The following LINGO2 variants were observed in gnomAD, a reference collection of about 807,000 sequenced individuals.
The protein encoded by LINGO2 is leucine rich repeat and Ig domain containing 2, also known as leucine-rich repeat and immunoglobulin-like domain-containing nogo receptor-interacting protein 2.
A neutral mutation model predicts 30.6 loss-of-function variants in LINGO2; 14 were observed. The ratio of observed to expected loss-of-function variants is 0.46; its 90% CI spans 0.30 to 0.72. The LOEUF (loss-of-function observed/expected upper bound fraction) is 0.72, where lower values mean the gene tolerates loss of function less well. Ranked by LOEUF, LINGO2 falls within the 30% of genes least tolerant of loss-of-function variation. The pLI is 0.07. For missense variants in LINGO2, 729 were observed against 751.7 expected, an observed-to-expected ratio of 0.97 and a Z score of 0.35; for synonymous variants, 317 against 288.5, an observed-to-expected ratio of 1.10 and a Z score of -1.00.
At chr9:29,176,793 G>C in the LINGO2 span, among the ~76,000 whole-genome samples, 1 of 152,196 alleles carries the variant, frequency 6.6e-6, no homozygotes, top group Non-Finnish European at 1.5e-5. Flanking sequence ...AAGCTTCAAT[G>C]CAACTTTTTA....
At chr9:28,913,848 A>G in the LINGO2 span, among the ~76,000 whole-genome samples, 4 of 152,198 alleles carry the variant, frequency 2.6e-5, no homozygotes, top group South Asian at 8.3e-4. Flanking sequence ...GTAATACGTT[A>G]TAGTGAGTAC....
At chr9:28,118,607 A>G (rs757167634) in intron 4 of LINGO2, among the ~76,000 whole-genome samples, 45 of 152,338 alleles carry the variant, frequency 3.0e-4, no homozygotes, top group Non-Finnish European at 5.3e-4. Context: ...TTGGGAGAGT[A>G]GTAACTAATA....
chr9:28,377,102 T>C (rs563354959), intron 2 of LINGO2, among the ~76,000 whole-genome samples: 1 of 151,812 alleles, frequency 6.6e-6, no homozygotes, highest in South Asian at 2.1e-4. Context: ...AAAATACAGT[T>C]GACCCATGAA....
the LINGO2 span, among the ~76,000 whole-genome samples, chr9:28,771,571 G>A: frequency 2.2e-4 from 33 of 151,532 alleles, no homozygotes; most frequent in Non-Finnish European, 4.1e-4. Flanking sequence ...ATTAGTCAGA[G>A]TCCCAGTAAA....
At chr9:28,111,818 G>A (rs757522341) in intron 4 of LINGO2, among the ~76,000 whole-genome samples, 1 of 152,110 alleles carries the variant, frequency 6.6e-6, no homozygotes, top group African/African-American at 2.4e-5. Context: ...ACACAGGGGA[G>A]AGTGATGCAT....
intron 3 of LINGO2, among the ~76,000 whole-genome samples, chr9:28,364,216 G>C (rs1820569847): frequency 1.3e-5 from 2 of 152,142 alleles, no homozygotes; most frequent in African/African-American, 4.8e-5. Flanking sequence ...TGGTCTATGA[G>C]TGCAAAGGAT....
chr9:28,533,431 C>A (rs1207578022), intron 1 of LINGO2, among the ~76,000 whole-genome samples: 1 of 152,084 alleles, frequency 6.6e-6, no homozygotes, highest in African/African-American at 2.4e-5. Flanking sequence ...TTAAAAATCT[C>A]CCCTGCACAC....
chr9:27,966,742 A>C (rs1043516560), intron 5 of LINGO2, among the ~76,000 whole-genome samples: 7 of 151,974 alleles, frequency 4.6e-5, no homozygotes, highest in Admixed American at 4.6e-4. Flanking sequence ...TAAAATTAAA[A>C]AAAGAAAAAA....
chr9:28,189,713 A>AAGGAAGGAAGGAAGGGAGGG (rs1564029706), intron 4 of LINGO2, among the ~76,000 whole-genome samples: 1 of 94,064 alleles, frequency 1.1e-5, no homozygotes, highest in African/African-American at 3.9e-5. Flanking sequence ...GGAAGGAAGG[A>AAGGAAGGAAGGAAGGGAGGG]AGGAAGGAAG....
intron 1 of LINGO2, among the ~76,000 whole-genome samples, chr9:28,476,246 C>A (rs910672026): frequency 4.6e-5 from 7 of 152,128 alleles, no homozygotes; most frequent in Non-Finnish European, 1.0e-4. Context: ...CGGAACATAA[C>A]AATCTATTAA....
chr9:28,819,761 A>G, the LINGO2 span, among the ~76,000 whole-genome samples: 5 of 152,196 alleles, frequency 3.3e-5, no homozygotes, highest in Non-Finnish European at 5.9e-5. Context: ...GGTGCTGACC[A>G]TTAAGTCAGT....
At chr9:28,679,031 G>C in the LINGO2 span, among the ~76,000 whole-genome samples, 6 of 152,028 alleles carry the variant, frequency 3.9e-5, no homozygotes, top group Non-Finnish European at 8.8e-5. Context: ...GGCTTTGGAA[G>C]GTTCCCTGGA....
At chr9:28,796,158 T>G in the LINGO2 span, among the ~76,000 whole-genome samples, 1 of 152,046 alleles carries the variant, frequency 6.6e-6, no homozygotes, top group South Asian at 2.1e-4. Context: ...GGGTAAAGAC[T>G]ATTCACAAAC....
At chr9:28,506,487 T>TATATATATATATATATAGATAG (rs1554729610) in intron 1 of LINGO2, among the ~76,000 whole-genome samples, 6 of 40,416 alleles carry the variant, frequency 1.5e-4, no homozygotes, top group African/African-American at 4.1e-4. Flanking sequence ...CACATACACA[T>TATATATATATATATATAGATAG]ACACACACAC....
the LINGO2 span, among the ~76,000 whole-genome samples, chr9:28,876,396 C>G: frequency 6.8e-6 from 1 of 147,936 alleles, no homozygotes; most frequent in African/African-American, 2.6e-5. Context: ...GCTATCCCTC[C>G]CCACTCCCCG....
At chr9:28,227,970 T>C (rs1157310402) in intron 4 of LINGO2, among the ~76,000 whole-genome samples, 2 of 152,104 alleles carry the variant, frequency 1.3e-5, no homozygotes, top group East Asian at 1.9e-4. Context: ...TAGGGCTTTA[T>C]TATTTATCTA....
At chr9:28,104,255 G>GTTTTTTTTTTTTTTTTTTTTTTT (rs1453019033) in intron 4 of LINGO2, among the ~76,000 whole-genome samples, 1 of 75,158 alleles carries the variant, frequency 1.3e-5, no homozygotes, top group Non-Finnish European at 2.8e-5. Context: ...CCCAGTACAA[G>GTTTTTTTTTTTTTTTTTTTTTTT]TTTTTTGTTT....
intron 4 of LINGO2, among the ~76,000 whole-genome samples, chr9:28,076,282 G>T (rs1419549573): frequency 2.0e-5 from 3 of 151,780 alleles, no homozygotes; most frequent in African/African-American, 4.8e-5. Flanking sequence ...TATACCTACT[G>T]GTTTGGTATT....
intron 5 of LINGO2, among the ~76,000 whole-genome samples, chr9:27,987,843 C>A (rs1821197908): frequency 6.6e-6 from 1 of 151,862 alleles, no homozygotes; most frequent in African/African-American, 2.4e-5. Flanking sequence ...ACCAAATTGA[C>A]CTTCCCACAA....
Sources: allele counts gnomAD v4.1 joint callset (sites outside exome capture counted in the v4.1 genomes callset), GRCh38; gene constraint gnomAD v4.1.1; transcripts MANE v1.5; gene names NCBI Gene and HGNC (gene_info 2026-07-23, HGNC 2026-07-21).